Variants in UNC79 observed in about 807,000 individuals in gnomAD.
The protein encoded by UNC79 is unc-79 subunit of NALCN channel complex.
A neutral mutation model predicts 283.1 loss-of-function variants in UNC79; 37 were observed. The ratio of observed to expected loss-of-function variants is 0.13; its 90% CI spans 0.10 to 0.17. The LOEUF (loss-of-function observed/expected upper bound fraction) is 0.17. Among genes scored for constraint, UNC79 ranks in the 10% least tolerant of loss-of-function variants. The pLI is 1.00. For synonymous variants in UNC79, 1,107 were observed against 1,200.2 expected (o/e 0.92, Z 1.61); for missense variants, 2,272 against 3,211.1 (o/e 0.71, Z 7.07).
intron 1 of UNC79, among the ~76,000 whole-genome samples, chr14:93,443,965 A>G (rs1344232815): frequency 3.9e-5 from 6 of 152,182 alleles, no homozygotes; most frequent in African/African-American, 1.4e-4. Flanking sequence ...AATACCTAGG[A>G]ATGGAATTGC....
chr14:93,383,825 G>T (rs1294261552), intron 1 of UNC79, among the ~76,000 whole-genome samples: 1 of 152,144 alleles, frequency 6.6e-6, no homozygotes, highest in African/African-American at 2.4e-5. Flanking sequence ...GAATTACGGG[G>T]CTGGGTCCTT....
chr14:93,412,893 G>C (rs191053547), intron 1 of UNC79, among the ~76,000 whole-genome samples: 2 of 152,130 alleles, frequency 1.3e-5, no homozygotes, highest in Admixed American at 1.3e-4. Flanking sequence ...GCTAAAGGGA[G>C]TACTTCAATC....
chr14:93,622,209 C>T lies in UNC79; in HGVS notation c.4976C>T (p.Pro1659Leu), dbSNP rs776367871. Residue 1659 changes from proline (P) to leucine (L), a missense_variant, in exon 30 of 49, where the codon CCC becomes CTC. Coordinates refer to ENST00000555664, the Ensembl canonical transcript of UNC79. ...ACGATGAACCAAGGCGATGACGGCC[C>T]CTCCGGTAAAAATGCTGCCTCTTCT... 14 of 1,614,038 alleles carry T rather than the reference C, an allele frequency of 8.7e-6. No individual in the cohort carries two copies. Among genetic ancestry groups the T allele is most frequent in the Admixed American group, 8.3e-5 (5 of 60,008 alleles).
chr14:93,681,555 G>A (rs2073846682), intron 41 of UNC79, among the ~76,000 whole-genome samples: 1 of 152,180 alleles, frequency 6.6e-6, no homozygotes, highest in Admixed American at 6.5e-5. Context: ...AGTGTGACAG[G>A]GACCGAGCCT....
intron 34 of UNC79, among the ~76,000 whole-genome samples, chr14:93,645,268 G>C (rs1202717577): frequency 6.6e-6 from 1 of 152,194 alleles, no homozygotes; most frequent in African/African-American, 2.4e-5. Context: ...ATTGCCAACT[G>C]TTAGGATTGA....
At position 93,646,631 on chromosome 14, in the gene UNC79, C is replaced by G. The variant is rs79565505; in HGVS notation, c.6068C>G (p.Ser2023Cys). The G allele has an allele frequency of 1.7e-5, 28 of 1,613,764 alleles. No homozygotes were observed. The Admixed American group carries it at 3.3e-4, about 19-fold the overall frequency. The change falls in exon 35 of 49, where the codon TCT becomes TGT. Residue 2023 changes from serine (S) to cysteine (C), a missense_variant. Coordinates refer to ENST00000555664, the Ensembl canonical transcript of UNC79. ...AGATTGGCATCCAGTACTACCTTTT[C>G]TAATCAAGCAGAAAGGTAAGGTCCT...
chr14:93,540,296 C>G (rs2061314789), intron 12 of UNC79, among the ~76,000 whole-genome samples: 1 of 152,214 alleles, frequency 6.6e-6, no homozygotes, highest in Non-Finnish European at 1.5e-5. Context: ...CATGCATTTG[C>G]TGTCTGCACA....
intron 18 of UNC79, among the ~76,000 whole-genome samples, chr14:93,578,993 G>A (rs180961430): frequency 1.3e-5 from 2 of 151,808 alleles, no homozygotes; most frequent in Admixed American, 6.6e-5. Flanking sequence ...ATTTTTGTGG[G>A]TACCTCGTAG....
intron 39 of UNC79, among the ~76,000 whole-genome samples, chr14:93,660,563 A>ATATATATATATATATG (rs1203621990): frequency 1.9e-4 from 12 of 64,780 alleles, no homozygotes; most frequent in East Asian, 5.5e-4. Context: ...ATATATATAT[A>ATATATATATATATATG]TGTGTGTGTG....
At chr14:93,414,737 C>G (rs1332918342) in intron 1 of UNC79, among the ~76,000 whole-genome samples, 2 of 152,106 alleles carry the variant, frequency 1.3e-5, no homozygotes, top group Non-Finnish European at 2.9e-5. Context: ...TTGAAGAGGT[C>G]CTTCACATCC....
At chr14:93,481,842 A>G (rs2140404349) in intron 4 of UNC79, among the ~76,000 whole-genome samples, 1 of 152,304 alleles carries the variant, frequency 6.6e-6, no homozygotes, top group Admixed American at 6.5e-5. Context: ...TTTTTCTAAG[A>G]TAGGTTTCCC....
chr14:93,469,175 G>C (rs1363734652), intron 2 of UNC79, among the ~76,000 whole-genome samples: 1 of 152,140 alleles, frequency 6.6e-6, no homozygotes, highest in Non-Finnish European at 1.5e-5. Context: ...AAGAGTTAAG[G>C]AATTTAAAAT....
chr14:93,363,184 A>G (rs1489883420), intron 1 of UNC79, among the ~76,000 whole-genome samples: 1 of 152,146 alleles, frequency 6.6e-6, no homozygotes, highest in Non-Finnish European at 1.5e-5. Context: ...ATCAGTTTCA[A>G]GGAATTTCTT....
chr14:93,354,316 A>C (rs1366788517), intron 1 of UNC79, among the ~76,000 whole-genome samples: 1 of 152,222 alleles, frequency 6.6e-6, no homozygotes, highest in Non-Finnish European at 1.5e-5. Flanking sequence ...CTAATTTGAA[A>C]ATCTGAAATC....
At chr14:93,380,677 A>C (rs958542835) in intron 1 of UNC79, among the ~76,000 whole-genome samples, 1 of 152,214 alleles carries the variant, frequency 6.6e-6, no homozygotes, top group African/African-American at 2.4e-5. Flanking sequence ...ATCACTGTAC[A>C]CTAGTACCTG....
intron 1 of UNC79, among the ~76,000 whole-genome samples, chr14:93,460,709 AT>A (rs774763331): frequency 1.3e-5 from 2 of 151,976 alleles, no homozygotes; most frequent in Non-Finnish European, 2.9e-5. Flanking sequence ...CTAAAAATTT[AT>A]TCTAAGGAAA....
At chr14:93,530,841 G>A (rs1465414564) in intron 10 of UNC79, among the ~76,000 whole-genome samples, 3 of 151,776 alleles carry the variant, frequency 2.0e-5, no homozygotes, top group African/African-American at 4.8e-5. Context: ...CCTTTGAGGC[G>A]GAGCTGGCAG....
chr14:93,352,242 G>T (rs1199588146), intron 1 of UNC79, among the ~76,000 whole-genome samples: 1 of 152,134 alleles, frequency 6.6e-6, no homozygotes, highest in Admixed American at 6.5e-5. Flanking sequence ...CTGATTTCTT[G>T]TATTCAGTGA....
chr14:93,501,229 C>A (rs950075469), intron 7 of UNC79, among the ~76,000 whole-genome samples: 4 of 152,062 alleles, frequency 2.6e-5, no homozygotes, highest in Admixed American at 6.6e-5. Flanking sequence ...GGGGTTGAGG[C>A]AGGAGAATCC....
Sources: allele counts gnomAD v4.1 joint callset (sites outside exome capture counted in the v4.1 genomes callset), GRCh38; gene constraint gnomAD v4.1.1; transcripts MANE v1.5; gene names NCBI Gene and HGNC (gene_info 2026-07-23, HGNC 2026-07-21).